NKAIN2: variants seen among roughly 807,000 people sequenced by gnomAD.
NKAIN2 encodes sodium/potassium transporting ATPase interacting 2.
NKAIN2 carries 14 observed loss-of-function variants against 32.6 expected under a neutral mutation model. The observed-to-expected ratio is 0.43, with a 90% confidence interval of 0.28 to 0.67. NKAIN2 has a LOEUF of 0.67. Among genes scored for constraint, NKAIN2 ranks in the 30% least tolerant of loss-of-function variants. The pLI is 0.17. For missense variants in NKAIN2, 198 were observed against 258.3 expected (o/e 0.77, Z 1.60); for synonymous variants, 80 against 87.2 (o/e 0.92, Z 0.46).
At chr6:124,105,786 A>G (rs1562360964) in intron 1 of NKAIN2, among the ~76,000 whole-genome samples, 1 of 152,318 alleles carries the variant, frequency 6.6e-6, no homozygotes, top group East Asian at 1.9e-4. Context: ...CCAAGTCATC[A>G]GGTTGTAAGA....
intron 1 of NKAIN2, among the ~76,000 whole-genome samples, chr6:124,116,602 TG>T (rs1249426631): frequency 2.0e-5 from 3 of 152,174 alleles, no homozygotes; most frequent in African/African-American, 7.2e-5. Flanking sequence ...TTTTTGTTTT[TG>T]TTTTTTTGTG....
intron 3 of NKAIN2, among the ~76,000 whole-genome samples, chr6:124,460,317 T>C (rs1776482916): frequency 6.6e-6 from 1 of 151,818 alleles, no homozygotes; most frequent in South Asian, 2.1e-4. Context: ...AATCTATAAA[T>C]TGAATAATGA....
At chr6:124,211,718 C>G (rs1362724035) in intron 1 of NKAIN2, among the ~76,000 whole-genome samples, 1 of 152,018 alleles carries the variant, frequency 6.6e-6, no homozygotes, top group African/African-American at 2.4e-5. Context: ...GATACTTAAT[C>G]AGTGAAAATA....
chr6:124,234,145 C>A (rs1398477913), intron 1 of NKAIN2, among the ~76,000 whole-genome samples: 1 of 152,134 alleles, frequency 6.6e-6, no homozygotes, highest in Non-Finnish European at 1.5e-5. Flanking sequence ...TGCAGACTTA[C>A]TTTTCAGCAT....
At chr6:124,187,424 T>C (rs1789799395) in intron 1 of NKAIN2, among the ~76,000 whole-genome samples, 1 of 152,176 alleles carries the variant, frequency 6.6e-6, no homozygotes, top group African/African-American at 2.4e-5. Flanking sequence ...CTTTATTCTA[T>C]AGCTCTTTTG....
chr6:124,374,236 A>G (rs1226094760), intron 3 of NKAIN2, among the ~76,000 whole-genome samples: 1 of 152,034 alleles, frequency 6.6e-6, no homozygotes, highest in East Asian at 1.9e-4. Flanking sequence ...AACTCTTTTA[A>G]TTGCTTCAAT....
At chr6:124,397,233 G>T (rs1209774820) in intron 3 of NKAIN2, among the ~76,000 whole-genome samples, 1 of 151,882 alleles carries the variant, frequency 6.6e-6, no homozygotes, top group East Asian at 1.9e-4. Flanking sequence ...GAAATTAACA[G>T]TTTGTATAAA....
chr6:123,933,136 TG>T (rs1776334569), intron 1 of NKAIN2, among the ~76,000 whole-genome samples: 1 of 152,200 alleles, frequency 6.6e-6, no homozygotes, highest in Non-Finnish European at 1.5e-5. Flanking sequence ...TGGGACCCCT[TG>T]TTCAAAAGCA....
chr6:124,409,198 C>T (rs9491162), intron 3 of NKAIN2, among the ~76,000 whole-genome samples: 2,277 of 152,222 alleles, frequency 0.015, 59 homozygotes, highest in African/African-American at 0.052. Flanking sequence ...CTTCTCCTGC[C>T]TGATTGCCCT....
At chr6:124,116,188 A>G (rs1033210417) in intron 1 of NKAIN2, among the ~76,000 whole-genome samples, 27 of 152,184 alleles carry the variant, frequency 1.8e-4, no homozygotes, top group Non-Finnish European at 2.2e-4. Context: ...TATTAGTAAC[A>G]AAATTAAGTC....
chr6:123,888,943 G>A (rs62436094), intron 1 of NKAIN2, among the ~76,000 whole-genome samples: 23,498 of 152,162 alleles, frequency 0.15, 1,961 homozygotes, highest in Non-Finnish European at 0.18. Context: ...TTAAAACCAA[G>A]TGGAGAGTGA....
intron 4 of NKAIN2, among the ~76,000 whole-genome samples, chr6:124,723,855 G>T (rs956252745): frequency 6.6e-6 from 1 of 152,160 alleles, no homozygotes; most frequent in African/African-American, 2.4e-5. Flanking sequence ...CTTCCAAAAT[G>T]CTGGGCATCT....
chr6:124,557,571 A>G (rs1395658894), intron 3 of NKAIN2, among the ~76,000 whole-genome samples: 1 of 152,228 alleles, frequency 6.6e-6, no homozygotes, highest in African/African-American at 2.4e-5. Flanking sequence ...GACAATACAG[A>G]ACCTGAAAGG....
intron 1 of NKAIN2, among the ~76,000 whole-genome samples, chr6:124,057,403 AC>A (rs1331757886): frequency 6.6e-6 from 1 of 152,138 alleles, no homozygotes; most frequent in Non-Finnish European, 1.5e-5. Context: ...GAATTTGTTA[AC>A]AACAATTTAG....
chr6:124,348,934 C>G (rs1798580860), intron 2 of NKAIN2, among the ~76,000 whole-genome samples: 1 of 152,134 alleles, frequency 6.6e-6, no homozygotes, highest in South Asian at 2.1e-4. Context: ...AACGGTGCAC[C>G]AGGAGATTAT....
intron 1 of NKAIN2, among the ~76,000 whole-genome samples, chr6:123,862,152 A>G (rs1322715458): frequency 6.6e-6 from 1 of 152,166 alleles, no homozygotes; most frequent in Non-Finnish European, 1.5e-5. Flanking sequence ...TTCATGTATA[A>G]AATGGGAGAA....
At chr6:124,210,758 C>T (rs1791131244) in intron 1 of NKAIN2, among the ~76,000 whole-genome samples, 1 of 151,420 alleles carries the variant, frequency 6.6e-6, no homozygotes, top group African/African-American at 2.4e-5. Flanking sequence ...CCACTGCTGG[C>T]ATATAGAAAT....
intron 1 of NKAIN2, among the ~76,000 whole-genome samples, chr6:123,822,676 A>G (rs767982238): frequency 1.3e-4 from 20 of 152,164 alleles, no homozygotes; most frequent in Non-Finnish European, 2.9e-4. Flanking sequence ...GTGAAAGGAT[A>G]GAGTTGGGTA....
chr6:124,028,454 A>C (rs1460157903), intron 1 of NKAIN2, among the ~76,000 whole-genome samples: 1 of 151,412 alleles, frequency 6.6e-6, no homozygotes, highest in African/African-American at 2.4e-5. Flanking sequence ...TGACGAGTTA[A>C]TGGGTGCAGC....
Sources: gnomAD v4.1 joint callset for allele counts (sites outside exome capture counted in the v4.1 genomes callset) on GRCh38, gnomAD v4.1.1 for gene constraint, MANE v1.5 for transcripts, NCBI Gene and HGNC (gene_info 2026-07-23, HGNC 2026-07-21) for gene names.